ZFAT: variants seen among roughly 807,000 people sequenced by gnomAD.
ZFAT encodes the protein zinc finger and AT-hook domain containing, also known as zinc finger protein ZFAT.
In ZFAT, 64 loss-of-function variants were observed where a neutral mutation model predicts 117.7. That is an observed-to-expected ratio of 0.54 (90% confidence interval 0.44 to 0.67). The LOEUF is 0.67. Ranked by LOEUF, ZFAT falls within the 30% of genes least tolerant of loss-of-function variation. ZFAT has a pLI of 0.00. For synonymous variants in ZFAT, 679 were observed against 615.0 expected (o/e 1.10, Z -1.54); for missense variants, 1,433 against 1,584.5 (o/e 0.90, Z 1.62).
At chr8:134,557,302 T>C (rs1823715352) in intron 11 of ZFAT, among the ~76,000 whole-genome samples, 1 of 152,140 alleles carries the variant, frequency 6.6e-6, no homozygotes, top group African/African-American at 2.4e-5. Context: ...ACTTCCAAGG[T>C]CATCAAAAAC....
At chr8:134,570,823 A>G (rs1824839407) in intron 10 of ZFAT, among the ~76,000 whole-genome samples, 1 of 152,240 alleles carries the variant, frequency 6.6e-6, no homozygotes, top group Admixed American at 6.5e-5. Flanking sequence ...TAGCTGAGCC[A>G]GGAATCAGAA....
At chr8:134,533,472 A>C (rs74325053) in intron 11 of ZFAT, among the ~76,000 whole-genome samples, 2,093 of 152,350 alleles carry the variant, frequency 0.014, 38 homozygotes, top group African/African-American at 0.048. Flanking sequence ...TATACCTTCT[A>C]CAGCTGTGTA....
intron 15 of ZFAT, among the ~76,000 whole-genome samples, chr8:134,480,758 C>A (rs578125187): frequency 1.3e-5 from 2 of 152,304 alleles, no homozygotes; most frequent in East Asian, 1.9e-4. Context: ...CCTTTCCTGG[C>A]CTGCAAATTG....
At chr8:134,554,741 G>A (rs1258298994) in intron 11 of ZFAT, among the ~76,000 whole-genome samples, 1 of 152,220 alleles carries the variant, frequency 6.6e-6, no homozygotes, top group African/African-American at 2.4e-5. Flanking sequence ...CAGCTGACCT[G>A]CAAAGCTGGT....
At chr8:134,623,018 C>T (rs560122809) in intron 3 of ZFAT, among the ~76,000 whole-genome samples, 2 of 152,282 alleles carry the variant, frequency 1.3e-5, no homozygotes, top group African/African-American at 4.8e-5. Context: ...CACATTTGAG[C>T]ATGCCACCTG....
intron 15 of ZFAT, among the ~76,000 whole-genome samples, chr8:134,496,059 A>C (rs961965992): frequency 6.6e-6 from 1 of 152,230 alleles, no homozygotes; most frequent in Non-Finnish European, 1.5e-5. Context: ...GCTGTGGCTG[A>C]ATTCTACATG....
At chr8:134,729,566 C>G in the ZFAT span, among the ~76,000 whole-genome samples, 2 of 152,166 alleles carry the variant, frequency 1.3e-5, no homozygotes, top group Non-Finnish European at 2.9e-5. Flanking sequence ...ATCTCCTGAC[C>G]TTGTGATCCA....
chr8:134,729,710 A>G, the ZFAT span, among the ~76,000 whole-genome samples: 1 of 152,050 alleles, frequency 6.6e-6, no homozygotes, highest in Non-Finnish European at 1.5e-5. Context: ...TCGTCCTTAT[A>G]AGCAATGCCT....
intron 1 of ZFAT, among the ~76,000 whole-genome samples, chr8:134,669,551 C>T (rs930981878): frequency 6.6e-6 from 1 of 152,168 alleles, no homozygotes; most frequent in Non-Finnish European, 1.5e-5. Flanking sequence ...CAAGCAAATG[C>T]TGAGAGATTT....
At chr8:134,598,968 C>T (rs1248051092) in intron 7 of ZFAT, 3 of 152,192 alleles carry the variant, frequency 2.0e-5, no homozygotes, top group Non-Finnish European at 4.4e-5. Context: ...TTTTTATTGC[C>T]ATATTCAAAG....
chr8:134,807,271 T>C, the ZFAT span, among the ~76,000 whole-genome samples: 3 of 152,190 alleles, frequency 2.0e-5, no homozygotes, highest in Non-Finnish European at 4.4e-5. Flanking sequence ...CCAAGTTAGA[T>C]ACCTAAACAC....
At chr8:134,730,308 C>T in the ZFAT span, among the ~76,000 whole-genome samples, 62,128 of 152,118 alleles carry the variant, frequency 0.41, 13,197 homozygotes, top group Non-Finnish European at 0.47. Flanking sequence ...CAGTTATCTG[C>T]ATCAACCTCG....
intron 15 of ZFAT, among the ~76,000 whole-genome samples, chr8:134,486,977 T>G (rs1371084181): frequency 6.6e-6 from 1 of 152,196 alleles, no homozygotes; most frequent in African/African-American, 2.4e-5. Context: ...CAGGTGTGTG[T>G]CCATGTGTGT....
At chr8:134,723,519 C>T in the ZFAT span, 1 of 152,276 alleles carries the variant, frequency 6.6e-6, no homozygotes, top group Admixed American at 6.5e-5. Context: ...GCAGAGGAGT[C>T]CACCTTCAGC....
intron 1 of ZFAT, among the ~76,000 whole-genome samples, chr8:134,666,155 T>C (rs753957609): frequency 6.6e-6 from 1 of 152,120 alleles, no homozygotes; most frequent in Non-Finnish European, 1.5e-5. Context: ...CTAGGACTGG[T>C]ATCAGCAGCA....
At chr8:134,660,044 C>T (rs1337232043) in intron 1 of ZFAT, among the ~76,000 whole-genome samples, 1 of 152,210 alleles carries the variant, frequency 6.6e-6, no homozygotes, top group African/African-American at 2.4e-5. Context: ...TCCTAAGGAA[C>T]CCAAAATGCT....
chr8:134,801,385 T>C, the ZFAT span, among the ~76,000 whole-genome samples: 1 of 152,280 alleles, frequency 6.6e-6, no homozygotes, highest in East Asian at 1.9e-4. Context: ...ACCAACACAC[T>C]TGCATCAAAG....
chr8:134,811,777 T>C, the ZFAT span, among the ~76,000 whole-genome samples: 3 of 152,250 alleles, frequency 2.0e-5, no homozygotes, highest in Admixed American at 6.5e-5. Flanking sequence ...CTTTACAGTC[T>C]GACAGAACTA....
At chr8:134,550,656 C>T (rs761628937) in intron 11 of ZFAT, among the ~76,000 whole-genome samples, 1 of 152,194 alleles carries the variant, frequency 6.6e-6, no homozygotes, top group Admixed American at 6.5e-5. Flanking sequence ...CACTCTTAGA[C>T]AGGATTTTAA....
Sources: gnomAD v4.1 joint callset for allele counts (sites outside exome capture counted in the v4.1 genomes callset) on GRCh38, gnomAD v4.1.1 for gene constraint, MANE v1.5 for transcripts, NCBI Gene and HGNC (gene_info 2026-07-23, HGNC 2026-07-21) for gene names.